POLL: variants seen among roughly 807,000 people sequenced by gnomAD.
POLL encodes DNA polymerase lambda, also known as DNA polymerase beta-2.
POLL carries 44 observed loss-of-function variants against 58.1 expected under a neutral mutation model. The ratio of observed to expected loss-of-function variants is 0.76; its 90% CI spans 0.60 to 0.97. The LOEUF (loss-of-function observed/expected upper bound fraction) is 0.97, where lower values mean the gene tolerates loss of function less well. Among genes scored for constraint, POLL ranks in the 50% least tolerant of loss-of-function variants. The pLI is 0.00. For missense variants in POLL, 632 were observed against 736.8 expected (o/e 0.86, Z 1.65); for synonymous variants, 290 against 283.2 (o/e 1.02, Z -0.24).
chr10:101,582,655 T>C, intron 7 of POLL, 108 bp downstream of exon 7: 1 of 1,161,542 alleles, frequency 8.6e-7, no homozygotes, highest in Non-Finnish European at 1.3e-6. Context: ...ATCCACAGTT[T>C]CCTCTGCCTG....
At position 101,579,888 on chromosome 10, in the gene POLL, T is replaced by C. The variant is rs774588038; in HGVS notation, c.1364-71A>G. Reference sequence around the variant, plus strand: ...GGGCTGTCCCATCCTCCCAGGTCTCTCCTGATGTCTAAGCTGGGGCTTGCC... The same window carrying C: ...GGGCTGTCCCATCCTCCCAGGTCTCCCCTGATGTCTAAGCTGGGGCTTGCC... On this transcript the variant is annotated intron_variant, in intron 8 of 8. Coordinates refer to ENST00000370162, the MANE Select transcript of POLL (RefSeq NM_001174084.2). This position sits in a 1 kb window ranked among gnomAD's most constrained non-coding sequence, Gnocchi z 4.4. 1.3e-6 allele frequency: 2 copies of C among 1,520,876 alleles called. No homozygotes were observed. Among genetic ancestry groups the C allele is most frequent in the South Asian group, 2.6e-5 (2 of 76,884 alleles). The allele number at this position is 1,520,876 out of a possible 1,614,324, so 94.2% of individuals were successfully genotyped here.
chr10:101,580,619 G>A lies in POLL; in HGVS notation c.1195-203C>T, dbSNP rs902837984. On this transcript the variant is annotated intron_variant, in intron 7 of 8. Transcript: ENST00000370162. This position sits in a 1 kb window ranked among gnomAD's most constrained non-coding sequence, Gnocchi z 4.1. Reference sequence around the variant, plus strand: ...CAGGAGAGAAGAAAAAGCTCACTGTGCAGGAGGCAAGCCTGAGGAGAGACG... The same window carrying A: ...CAGGAGAGAAGAAAAAGCTCACTGTACAGGAGGCAAGCCTGAGGAGAGACG... 2 of 560,388 alleles carry A rather than the reference G, an allele frequency of 3.6e-6. No homozygotes were observed. The highest frequency in any genetic ancestry group is 6.3e-6 in the Non-Finnish European group (2 of 315,702). The allele number at this position is 560,388 out of a possible 1,614,324, so 34.7% of individuals were successfully genotyped here.
Position 101,580,488 on chromosome 10 carries a change from T to G in POLL, c.1195-72A>C, listed in dbSNP as rs975478102. ...CCTCTCCCACAGCAGTACAAGGGCC[T>G]TCCCAGACTCGGGCCCACACCCTCA... On this transcript the variant is annotated intron_variant, in intron 7 of 8. Transcript: ENST00000370162. The surrounding 1 kb of genome is among the most constrained non-coding windows in gnomAD (Gnocchi z 4.1). 4 of 1,399,716 alleles carry G rather than the reference T, an allele frequency of 2.9e-6. No homozygotes were observed. In the African/African-American group the frequency reaches 5.7e-5, roughly 20 times the overall value. 86.7% of individuals were successfully genotyped at this position (1,399,716 alleles called of 1,614,324 possible).
intron 4 of POLL, 87 bp from the exon 5 acceptor site, chr10:101,585,006 G>C (rs2063224586): frequency 1.2e-5 from 11 of 896,044 alleles, no homozygotes. Flanking sequence ...TCTTTGTGCG[G>C]GGGGAGGGTC....
In POLL at chr10:101,586,551, T is replaced by C. The variant is rs536016383; in HGVS notation, c.116-395A>G. Among the ~76,000 whole-genome samples the C allele has an allele frequency of 2.1e-3, 317 of 152,352 alleles. 3 individuals are homozygous for C. The highest frequency in any genetic ancestry group is 7.0e-3 in the African/African-American group (293 of 41,570). On this transcript the variant is annotated intron_variant, in intron 2 of 8. Transcript: ENST00000370162. The stretch of plus-strand genomic sequence containing the variant: ...CTCTGTCGCCCAGGCTGGAGTACAG[T>C]GGCATCGTCTTGGCTCACTGCAACC...
In POLL at chr10:101,585,998, C is replaced by T. The variant is rs762743137; in HGVS notation, c.274G>A (p.Glu92Lys). 4.3e-6 allele frequency: 7 copies of T among 1,614,016 alleles called. No individual in the cohort carries two copies. The African/African-American group carries it at 5.3e-5, about 12-fold the overall frequency. Residue 92 changes from glutamate (E) to lysine (K), a missense_variant, in exon 3 of 9, where the codon GAG (glutamate) becomes AAG (lysine). Physicochemically the swap from Glu to Lys is moderately conservative, Grantham distance 56 (BLOSUM62 1). Coordinates refer to ENST00000370162, the MANE Select transcript of POLL (RefSeq NM_001174084.2). The part of the protein sequence containing the change: ...HIVVDEGMDY[E>K]RALRLLRLPQ... The stretch of plus-strand genomic sequence containing the variant: ...AGTCTGAGAAGGCGGAGGGCTCGCT[C>T]ATAGTCCATGCCTTCATCCACCACA...
At chr10:101,582,184 C>T (rs2063037624) in intron 7 of POLL, 1 of 153,634 alleles carries the variant, frequency 6.5e-6, no homozygotes, top group Non-Finnish European at 1.4e-5. Flanking sequence ...ATGGAGCTTT[C>T]TTCCAGCCCC....
rs538902069 is a variant in POLL, at chr10:101,580,731, T to C, written c.1195-315A>G. On this transcript the variant is annotated intron_variant, in intron 7 of 8. Coordinates refer to ENST00000370162, the MANE Select transcript of POLL (RefSeq NM_001174084.2). This position sits in a 1 kb window ranked among gnomAD's most constrained non-coding sequence, Gnocchi z 4.1. ...AGAGTAGGGAGACACAGACTCTCTC[T>C]GCCCCTGCCCCAGCCCACGTGCCCA... The C allele has an allele frequency of 8.2e-5, 21 of 254,572 alleles. No individual in the cohort carries two copies. In the South Asian group the frequency reaches 1.5e-3, roughly 19 times the overall value. The allele number at this position is 254,572 out of a possible 1,614,324, so 15.8% of individuals were successfully genotyped here. A position where few individuals can be genotyped will look rare whatever the true frequency, so the allele number is the denominator to read the frequency against.
Position 101,579,431 on chromosome 10 carries a change from C to T in POLL, c.*22G>A. On this transcript the variant is annotated 3_prime_UTR_variant, in exon 9 of 9. Transcript: ENST00000370162. The surrounding 1 kb of genome is among the most constrained non-coding windows in gnomAD (Gnocchi z 4.4). ...GGGGTAGCCAGTCCAACTCGGCTCT[C>T]CTCAGCACCCCCAGCCATGGGTCAC... is the stretch of plus-strand genomic sequence containing the variant. 1 of 1,585,620 alleles carries T rather than the reference C, an allele frequency of 6.3e-7. No individual in the cohort carries two copies. The highest frequency in any genetic ancestry group is 1.3e-5 in the African/African-American group (1 of 74,412).
intron 6 of POLL, 63 bp from the exon 7 acceptor site, chr10:101,582,954 A>G (rs1477919628): frequency 3.7e-6 from 6 of 1,602,496 alleles, no homozygotes; most frequent in South Asian, 3.3e-5. Context: ...GGCATGAGTG[A>G]GCACACACAC....
At position 101,579,899 on chromosome 10, in the gene POLL, A is replaced by C. The variant is rs2062887513; in HGVS notation, c.1364-82T>G. On this transcript the variant is annotated intron_variant, in intron 8 of 8. Coordinates refer to ENST00000370162, the MANE Select transcript of POLL (RefSeq NM_001174084.2). This position sits in a 1 kb window ranked among gnomAD's most constrained non-coding sequence, Gnocchi z 4.4. ...TCCTCCCAGGTCTCTCCTGATGTCT[A>C]AGCTGGGGCTTGCCCAGGTATTAGC... The C allele has an allele frequency of 6.7e-7, 1 of 1,488,368 alleles. No individual in the cohort carries two copies. Among genetic ancestry groups the C allele is most frequent in the Non-Finnish European group, 9.0e-7 (1 of 1,109,492 alleles). 92.2% of individuals were successfully genotyped at this position (1,488,368 alleles called of 1,614,324 possible).
chr10:101,585,249 G>A (rs534264656), intron 4 of POLL, 67 bp downstream of exon 4: 13 of 1,393,010 alleles, frequency 9.3e-6, no homozygotes, highest in Non-Finnish European at 1.3e-5. Context: ...ACAGCCACCA[G>A]GCCCACCCCA....
chr10:101,579,002 CAT>C lies in POLL; in HGVS notation c.*449_*450del, dbSNP rs2062833847. On this transcript the variant is annotated 3_prime_UTR_variant, in exon 9 of 9. Transcript: ENST00000370162. The surrounding 1 kb of genome is among the most constrained non-coding windows in gnomAD (Gnocchi z 4.4). The stretch of plus-strand genomic sequence containing the variant: ...GGAAGCAGGACGGATAGAGGGAACA[CAT>C]GTGGAATGGCTGTTCTCCTACCCCA... 5.0e-6 allele frequency: 1 copy of C among 199,426 alleles called. No individual in the cohort carries two copies. Among genetic ancestry groups the C allele is most frequent in the Non-Finnish European group, 1.0e-5 (1 of 96,746 alleles). 12.4% of individuals were successfully genotyped at this position (199,426 alleles called of 1,614,324 possible).
At chr10:101,587,450 C>T (rs1193905420) in intron 1 of POLL, 44 bp from the exon 2 acceptor site, 2 of 1,554,882 alleles carry the variant, frequency 1.3e-6, no homozygotes, top group Non-Finnish European at 1.7e-6. Flanking sequence ...ACCCCTTTGC[C>T]TATGGAGGTA....
At chr10:101,586,714 C>T (rs757271983) in intron 2 of POLL, among the ~76,000 whole-genome samples, 2 of 152,128 alleles carry the variant, frequency 1.3e-5, no homozygotes, top group East Asian at 1.9e-4. Flanking sequence ...AAGCTGGTCT[C>T]GAACTCCTGA....
intron 1 of POLL, 47 bp from the exon 2 acceptor site, chr10:101,587,453 T>C (rs1040373181): frequency 6.4e-7 from 1 of 1,556,220 alleles, no homozygotes; most frequent in Non-Finnish European, 8.7e-7. Context: ...CCTTTGCCTA[T>C]GGAGGTAGGG....
intron 6 of POLL, 165 bp downstream of exon 6, chr10:101,583,343 G>A (rs1177491316): frequency 1.5e-6 from 1 of 663,448 alleles, no homozygotes; most frequent in South Asian, 1.9e-5. Context: ...TGGGAGCTGA[G>A]GGGTCTATAT....
In POLL at chr10:101,579,046, G is replaced by C. The variant is rs2062835967; in HGVS notation, c.*407C>G. 5.7e-5 allele frequency: 13 copies of C among 229,474 alleles called. No individual in the cohort carries two copies. The South Asian group carries it at 9.8e-4, about 17-fold the overall frequency. 14.2% of individuals were successfully genotyped at this position (229,474 alleles called of 1,614,324 possible). On this transcript the variant is annotated 3_prime_UTR_variant, in exon 9 of 9. Coordinates refer to ENST00000370162, the MANE Select transcript of POLL (RefSeq NM_001174084.2). The surrounding 1 kb of genome is among the most constrained non-coding windows in gnomAD (Gnocchi z 4.4). ...CCTACCCCAGAGGGTGCCGGATGATGTTGACAGCACGGCTGCTTCCCTCTC... is the reference window on the plus strand; with the variant it reads ...CCTACCCCAGAGGGTGCCGGATGATCTTGACAGCACGGCTGCTTCCCTCTC...
At position 101,588,248 on chromosome 10, in the gene POLL, T is replaced by C; in HGVS notation, c.-473A>G. On this transcript the variant is annotated 5_prime_UTR_variant, in exon 1 of 9. Transcript: ENST00000370162. Reference sequence around the variant, plus strand: ...GGACGAAGGGGGGAAGGAGGGCAAATGGCCAGAATAGCTTCCGAGTCAGCC... The same window carrying C: ...GGACGAAGGGGGGAAGGAGGGCAAACGGCCAGAATAGCTTCCGAGTCAGCC... 3 of 1,555,724 alleles carry C rather than the reference T, an allele frequency of 1.9e-6. No individual in the cohort carries two copies. Among genetic ancestry groups the C allele is most frequent in the African/African-American group, 2.7e-5 (2 of 73,864 alleles).
Sources: gnomAD v4.1 joint callset for allele counts (sites outside exome capture counted in the v4.1 genomes callset) on GRCh38, gnomAD v4.1.1 for gene constraint, Gnocchi (gnomAD v3.1) non-coding constraint, MANE v1.5 for transcripts, NCBI Gene and HGNC (gene_info 2026-07-23, HGNC 2026-07-21) for gene names.